Variants in PUDP observed in about 807,000 individuals in gnomAD.
PUDP encodes pseudouridine-5'-phosphatase.
PUDP carries 8 observed loss-of-function variants against 9.4 expected under a neutral mutation model. The ratio of observed to expected loss-of-function variants is 0.85; its 90% CI spans 0.50 to 1.53. The LOEUF is 1.53. PUDP is among the 40% of genes most tolerant of loss of function. PUDP has a pLI of 0.00. For missense variants in PUDP, 188 were observed against 189.7 expected, an observed-to-expected ratio of 0.99 and a Z score of 0.05; for synonymous variants, 99 against 80.7, an observed-to-expected ratio of 1.23 and a Z score of -1.22.
intron 3 of PUDP, among the ~76,000 whole-genome samples, chrX:6,782,993 C>T (rs1172164731): frequency 9.0e-6 from 1 of 111,341 alleles, no homozygotes; most frequent in Non-Finnish European, 1.9e-5. Context: ...CAAACCGGAG[C>T]GGCTCCATCT....
chrX:6,816,709 T>C (rs1439443948), intron 3 of PUDP, among the ~76,000 whole-genome samples: 1 of 98,067 alleles, frequency 1.0e-5, no homozygotes, highest in African/African-American at 3.7e-5. Flanking sequence ...CTATATATAC[T>C]ATATAGTATA....
At chrX:6,852,539 T>C (rs1442409665) in intron 3 of PUDP, among the ~76,000 whole-genome samples, 1 of 112,144 alleles carries the variant, frequency 8.9e-6, no homozygotes, top group Non-Finnish European at 1.9e-5. Context: ...GCTTAAGTTT[T>C]GTAAAACAGC....
chrX:6,872,024 G>C (rs1927181885), intron 3 of PUDP, among the ~76,000 whole-genome samples: 1 of 111,633 alleles, frequency 9.0e-6, no homozygotes, highest in African/African-American at 3.3e-5. Context: ...TCCTCACATG[G>C]TGGAAGGGGA....
chrX:6,855,419 G>C (rs955232359), intron 3 of PUDP, among the ~76,000 whole-genome samples: 5 of 111,594 alleles, frequency 4.5e-5, no homozygotes, highest in Admixed American at 9.5e-5. Flanking sequence ...CACAGGTGTT[G>C]ATGTCCCTAA....
intron 2 of PUDP, among the ~76,000 whole-genome samples, chrX:7,094,702 AT>A (rs1375189176): frequency 1.8e-5 from 2 of 111,302 alleles, no homozygotes; most frequent in African/African-American, 3.3e-5. Context: ...AAGAATTTTC[AT>A]TTACATTTAC....
At chrX:7,106,684 C>T (rs927845926) in intron 1 of PUDP, among the ~76,000 whole-genome samples, 8 of 111,389 alleles carry the variant, frequency 7.2e-5, no homozygotes, top group African/African-American at 9.8e-5. Context: ...TCCTACTTTA[C>T]AGAATGAATA....
At chrX:6,804,571 T>C (rs1460508095) in intron 3 of PUDP, among the ~76,000 whole-genome samples, 2 of 111,715 alleles carry the variant, frequency 1.8e-5, no homozygotes, top group Admixed American at 1.9e-4. Flanking sequence ...CTGCATTCTT[T>C]ATGGTGCCGT....
intron 3 of PUDP, among the ~76,000 whole-genome samples, chrX:6,837,054 T>C (rs897256066): frequency 7.1e-5 from 8 of 112,464 alleles, no homozygotes; most frequent in African/African-American, 2.6e-4. Context: ...GCATTTAAAT[T>C]GTGCAATCCA....
intron 1 of PUDP, among the ~76,000 whole-genome samples, chrX:6,998,456 A>C (rs1929279669): frequency 9.0e-6 from 1 of 110,985 alleles, no homozygotes; most frequent in African/African-American, 3.3e-5. Context: ...GACAGGGATG[A>C]GGGGCTACAC....
chrX:6,912,766 T>C (rs1191950680), intron 3 of PUDP, among the ~76,000 whole-genome samples: 1 of 112,359 alleles, frequency 8.9e-6, no homozygotes, highest in Admixed American at 9.5e-5. Context: ...ATCACACATT[T>C]TCATTTTAGA....
intron 3 of PUDP, among the ~76,000 whole-genome samples, chrX:7,055,110 G>T (rs1184777898): frequency 8.9e-6 from 1 of 111,800 alleles, no homozygotes; most frequent in African/African-American, 3.3e-5. Context: ...GAAATGATTC[G>T]GGGTCATGCC....
At chrX:7,084,117 G>A (rs17326009) in intron 2 of PUDP, among the ~76,000 whole-genome samples, 4 of 69,268 alleles carry the variant, frequency 5.8e-5, no homozygotes, top group African/African-American at 1.8e-4. Flanking sequence ...GCATCTTTGC[G>A]GGTGAAGACA....
chrX:7,128,878 G>A (rs1047485096), intron 1 of PUDP, among the ~76,000 whole-genome samples: 1 of 111,770 alleles, frequency 8.9e-6, no homozygotes, highest in Non-Finnish European at 1.9e-5. Flanking sequence ...GGGGCCCAAG[G>A]TGCTCAACCC....
chrX:6,740,896 C>T (rs1415784779), intron 3 of PUDP, among the ~76,000 whole-genome samples: 7 of 112,007 alleles, frequency 6.2e-5, no homozygotes, highest in South Asian at 3.7e-4. Flanking sequence ...CGGTGGCTCA[C>T]GCCTGTAATC....
chrX:6,917,372 T>TAAA (rs11377739), intron 3 of PUDP, among the ~76,000 whole-genome samples: 2 of 98,184 alleles, frequency 2.0e-5, no homozygotes, highest in Non-Finnish European at 2.1e-5. Flanking sequence ...AACTCAAAAT[T>TAAA]AAAAAAAAAA....
At position 7,146,033 on chromosome X, in the gene PUDP, G is replaced by C. The variant is rs764961626; in HGVS notation, c.61+2020C>G. On this transcript the variant is annotated intron_variant, in intron 1 of 3. Transcript: ENST00000381077. Reference sequence around the variant, plus strand: ...TTTTATATTTACACATTTGGTGAAAGAATGGGATAAACAAAGGTATATTTC... The same window carrying C: ...TTTTATATTTACACATTTGGTGAAACAATGGGATAAACAAAGGTATATTTC... 2.7e-5 allele frequency among the ~76,000 whole-genome samples: 3 copies of C among 111,880 alleles called. No homozygotes were observed. The South Asian group carries it at 1.1e-3, about 42-fold the overall frequency.
chrX:7,046,845 C>G (rs1320654338), downstream of PUDP, among the ~76,000 whole-genome samples: 1 of 111,872 alleles, frequency 8.9e-6, no homozygotes, highest in Non-Finnish European at 1.9e-5. Flanking sequence ...TACATTTTGT[C>G]CCCTAGAGAA....
intron 3 of PUDP, among the ~76,000 whole-genome samples, chrX:7,053,278 G>A (rs138469827): frequency 0.016 from 1,769 of 111,160 alleles, 19 homozygotes; most frequent in Admixed American, 0.03. Context: ...TGTGTGGGAC[G>A]GGAAATCAGT....
chrX:6,801,545 C>A (rs896629570), intron 3 of PUDP, among the ~76,000 whole-genome samples: 20 of 111,381 alleles, frequency 1.8e-4, no homozygotes, highest in African/African-American at 6.5e-4. Flanking sequence ...TTTCAAAACA[C>A]AATATAACCA....
Sources: allele counts gnomAD v4.1 joint callset (sites outside exome capture counted in the v4.1 genomes callset), GRCh38; gene constraint gnomAD v4.1.1; transcripts MANE v1.5; gene names NCBI Gene and HGNC (gene_info 2026-07-23, HGNC 2026-07-21).